The following RASA1 variants were observed in gnomAD, a reference collection of about 807,000 sequenced individuals.
The protein encoded by RASA1 is ras GTPase-activating protein 1.
In RASA1, 25 loss-of-function variants were observed where a neutral mutation model predicts 132.2. The ratio of observed to expected loss-of-function variants is 0.19; its 90% CI spans 0.14 to 0.26. RASA1 has a LOEUF of 0.26. Among genes scored for constraint, RASA1 ranks in the 10% least tolerant of loss-of-function variants. RASA1 has a pLI of 1.00. For missense variants in RASA1, 964 were observed against 1,299.2 expected, an observed-to-expected ratio of 0.74 and a Z score of 3.97; for synonymous variants, 477 against 449.9, an observed-to-expected ratio of 1.06 and a Z score of -0.76.
chr5:87,374,063 C>T (rs1761140475), intron 13 of RASA1, 100 bp from the exon 14 acceptor site: 1 of 1,045,208 alleles, frequency 9.6e-7, no homozygotes, highest in Non-Finnish European at 1.2e-6. Flanking sequence ...GAAAATAAGT[C>T]ATTATTTTTG....
At chr5:87,353,680 A>G (rs1413304755) in intron 9 of RASA1, among the ~76,000 whole-genome samples, 2 of 151,880 alleles carry the variant, frequency 1.3e-5, no homozygotes, top group African/African-American at 4.8e-5. Flanking sequence ...ATGTCTGTAT[A>G]CTCTGAGTGA....
chr5:87,316,347 C>T (rs1180930825), intron 1 of RASA1, among the ~76,000 whole-genome samples: 9 of 152,014 alleles, frequency 5.9e-5, no homozygotes, highest in Non-Finnish European at 1.0e-4. Flanking sequence ...AAAATAGCTG[C>T]GGAAAAAATA....
At chr5:87,330,796 A>G (rs1229625306) in intron 1 of RASA1, 5 of 453,698 alleles carry the variant, frequency 1.1e-5, no homozygotes, top group East Asian at 6.9e-5. Context: ...GTCATGGAGT[A>G]GATTATCTTA....
intron 21 of RASA1, 102 bp from the exon 22 acceptor site, chr5:87,385,199 G>A: frequency 1.3e-6 from 1 of 783,898 alleles, no homozygotes; most frequent in Non-Finnish European, 2.3e-6. Flanking sequence ...AGAATGGGTA[G>A]TAGTTTAACA....
chr5:87,372,629 T>C (rs1410467703), intron 13 of RASA1, among the ~76,000 whole-genome samples: 1 of 152,178 alleles, frequency 6.6e-6, no homozygotes, highest in East Asian at 1.9e-4. Flanking sequence ...TTAATCTTAT[T>C]TGAAACTGTA....
intron 1 of RASA1, among the ~76,000 whole-genome samples, chr5:87,285,714 G>A (rs560021095): frequency 6.7e-6 from 1 of 149,388 alleles, no homozygotes; most frequent in African/African-American, 2.5e-5. Flanking sequence ...CACCTCCCAG[G>A]TTCAAGCGAT....
chr5:87,278,775 A>G (rs1372156980), intron 1 of RASA1, among the ~76,000 whole-genome samples: 1 of 152,136 alleles, frequency 6.6e-6, no homozygotes, highest in East Asian at 1.9e-4. Context: ...GTATTGTAAC[A>G]TGTAAATTTG....
At chr5:87,298,412 CAA>C (rs1255095778) in intron 1 of RASA1, among the ~76,000 whole-genome samples, 27 of 58,852 alleles carry the variant, frequency 4.6e-4, no homozygotes, top group Admixed American at 5.9e-4. Context: ...GACTCTGTCT[CAA>C]AAAAAAAAAA....
intron 3 of RASA1, 89 bp from the exon 4 acceptor site, chr5:87,333,178 A>G (rs1037282662): frequency 3.3e-5 from 50 of 1,535,670 alleles, no homozygotes; most frequent in Non-Finnish European, 4.1e-5. Context: ...TCTAATGTGA[A>G]TTTTTATTGG....
intron 14 of RASA1, 55 bp from the exon 15 acceptor site, chr5:87,374,784 TA>T (rs1465118915): frequency 6.3e-7 from 1 of 1,597,838 alleles, no homozygotes; most frequent in East Asian, 2.3e-5. Flanking sequence ...ACTAAAGAAA[TA>T]AGGTAGTTTG....
At chr5:87,275,899 G>C (rs58802726) in intron 1 of RASA1, among the ~76,000 whole-genome samples, 3,851 of 152,178 alleles carry the variant, frequency 0.025, 116 homozygotes, top group African/African-American at 0.059. Flanking sequence ...TGGCAGCTAT[G>C]GCAGTTCCGT....
At chr5:87,349,427 C>A in intron 8 of RASA1, 63 bp downstream of exon 8, 1 of 1,554,544 alleles carries the variant, frequency 6.4e-7, no homozygotes, top group Non-Finnish European at 8.8e-7. Context: ...CTTGATAATA[C>A]AGTATTCAGA....
intron 17 of RASA1, 147 bp downstream of exon 17, chr5:87,377,187 T>C: frequency 3.9e-6 from 4 of 1,019,568 alleles, no homozygotes; most frequent in South Asian, 2.8e-5. Context: ...AAATTGCAGT[T>C]GGATGTCAGT....
chr5:87,322,807 C>A (rs1010015187), intron 1 of RASA1, among the ~76,000 whole-genome samples: 1 of 152,116 alleles, frequency 6.6e-6, no homozygotes, highest in Non-Finnish European at 1.5e-5. Flanking sequence ...ATAAACACAA[C>A]CACATACATA....
At chr5:87,367,059 A>C (rs1335537639) in intron 11 of RASA1, among the ~76,000 whole-genome samples, 1 of 152,162 alleles carries the variant, frequency 6.6e-6, no homozygotes, top group East Asian at 1.9e-4. Context: ...AACAACAACA[A>C]AAATTTTTTT....
At chr5:87,318,810 A>G (rs1756546778) in intron 1 of RASA1, 1 of 152,240 alleles carries the variant, frequency 6.6e-6, no homozygotes, top group Non-Finnish European at 1.5e-5. Flanking sequence ...CCTTCCCAAC[A>G]GTCCCCCAAA....
rs1012444014 is a variant in RASA1, at chr5:87,391,888, G to C, written c.*1005G>C. 6.1e-5 allele frequency: 14 copies of C among 229,468 alleles called. No homozygotes were observed. Among genetic ancestry groups the C allele is most frequent in the Non-Finnish European group, 1.1e-4 (13 of 115,772 alleles). 14.2% of individuals were successfully genotyped at this position (229,468 alleles called of 1,614,324 possible). A position where few individuals can be genotyped will look rare whatever the true frequency, so the allele number is the denominator to read the frequency against. ...TTTGTGAAGTATTCACAAAGGTTAAGTTAAAATAAAACCAAGGGATATCTT... is the reference window on the plus strand; with the variant it reads ...TTTGTGAAGTATTCACAAAGGTTAACTTAAAATAAAACCAAGGGATATCTT... On this transcript the variant is annotated 3_prime_UTR_variant, in exon 25 of 25. Coordinates refer to ENST00000274376, the MANE Select transcript of RASA1 (RefSeq NM_002890.3).
intron 1 of RASA1, among the ~76,000 whole-genome samples, chr5:87,287,357 AC>A (rs1271224723): frequency 4.0e-5 from 6 of 148,262 alleles, no homozygotes; most frequent in Non-Finnish European, 9.0e-5. Flanking sequence ...CCATATATAC[AC>A]CATATATATA....
intron 1 of RASA1, among the ~76,000 whole-genome samples, chr5:87,287,698 CCATATATGT>C (rs1258362194): frequency 1.4e-5 from 2 of 139,800 alleles, no homozygotes; most frequent in East Asian, 4.2e-4. Context: ...TAGATATATA[CCATATATGT>C]ACACGCCATA....
Sources: gnomAD v4.1 joint callset for allele counts (sites outside exome capture counted in the v4.1 genomes callset) on GRCh38, gnomAD v4.1.1 for gene constraint, MANE v1.5 for transcripts, NCBI Gene and HGNC (gene_info 2026-07-23, HGNC 2026-07-21) for gene names.